The following ZNF883 variants were observed in gnomAD, a reference collection of about 807,000 sequenced individuals.
ZNF883 encodes the protein zinc finger protein 883.
intron 1 of ZNF883, among the ~76,000 whole-genome samples, chr9:112,989,411 T>C (rs1828281395): frequency 6.6e-6 from 1 of 152,176 alleles, no homozygotes; most frequent in Admixed American, 6.5e-5. Context: ...TTTTCAGGTT[T>C]GTTGAAGGTC....
chr9:112,997,243 A>G (rs1470194687), exon 1 of ZNF883: 1 of 1,614,104 alleles, frequency 6.2e-7, no homozygotes, highest in South Asian at 1.1e-5. Flanking sequence ...GTATTCGCTT[A>G]TGTTTAGTTA....
chr9:113,002,293 G>GAC (rs1293830610), upstream of ZNF883, among the ~76,000 whole-genome samples: 1 of 152,072 alleles, frequency 6.6e-6, no homozygotes, highest in Non-Finnish European at 1.5e-5. Context: ...TCCCTATAAA[G>GAC]ACACCTAAAA....
At chr9:113,005,391 T>G (rs892357453) in intron 2 of ZNF883, among the ~76,000 whole-genome samples, 1 of 151,902 alleles carries the variant, frequency 6.6e-6, no homozygotes, top group Non-Finnish European at 1.5e-5. Context: ...ACAAAAGAAA[T>G]ACAAACGATC....
At chr9:113,003,645 C>T (rs1439783815) in intron 2 of ZNF883, among the ~76,000 whole-genome samples, 1 of 151,234 alleles carries the variant, frequency 6.6e-6, no homozygotes, top group East Asian at 1.9e-4. Context: ...TTTTCCCAAC[C>T]AATGACTCAC....
At chr9:112,994,310 C>T (rs1024316191), downstream of ZNF883, among the ~76,000 whole-genome samples, 3 of 151,492 alleles carry the variant, frequency 2.0e-5, no homozygotes, top group Non-Finnish European at 4.4e-5. Flanking sequence ...ACTCTCCGTG[C>T]TTTTCCTCAC....
chr9:112,999,018 A>C (rs1271449992), upstream of ZNF883: 1 of 152,200 alleles, frequency 6.6e-6, no homozygotes, highest in Non-Finnish European at 1.5e-5. Flanking sequence ...ATCATTTGAA[A>C]AAAAATTCTA....
chr9:112,993,959 G>T (rs1411608), downstream of ZNF883, among the ~76,000 whole-genome samples: 1 of 152,052 alleles, frequency 6.6e-6, no homozygotes, highest in Non-Finnish European at 1.5e-5. Flanking sequence ...TCCTCCTACC[G>T]GGAACTCAAG....
chr9:112,998,122 A>G, exon 1 of ZNF883: 3 of 1,613,938 alleles, frequency 1.9e-6, no homozygotes, highest in Non-Finnish European at 2.5e-6. Flanking sequence ...AGGACTTACC[A>G]CATATTTTAC....
intron 2 of ZNF883, among the ~76,000 whole-genome samples, chr9:113,009,046 T>C (rs1305925786): frequency 1.3e-5 from 2 of 152,146 alleles, no homozygotes; most frequent in Admixed American, 6.5e-5. Flanking sequence ...ACCTGGATGA[T>C]TGCTTTAGCT....
chr9:113,007,844 AG>A, intron 2 of ZNF883, among the ~76,000 whole-genome samples: 1 of 152,362 alleles, frequency 6.6e-6, no homozygotes, highest in Admixed American at 6.5e-5. Flanking sequence ...TGGCAGAGCT[AG>A]GACTATAGCC....
intron 2 of ZNF883, among the ~76,000 whole-genome samples, chr9:113,006,493 G>A (rs556698630): frequency 2.6e-5 from 4 of 152,102 alleles, no homozygotes; most frequent in Admixed American, 6.5e-5. Flanking sequence ...TTACTCTGTC[G>A]GCTTGCTCTG....
intron 2 of ZNF883, among the ~76,000 whole-genome samples, chr9:113,008,491 C>T (rs1564335104): frequency 6.6e-6 from 1 of 152,144 alleles, no homozygotes; most frequent in African/African-American, 2.4e-5. Context: ...ACTCTTTTAA[C>T]AGAAGTTCCT....
intron 2 of ZNF883, among the ~76,000 whole-genome samples, chr9:113,010,811 C>T (rs1828527102): frequency 6.6e-6 from 1 of 151,888 alleles, no homozygotes; most frequent in African/African-American, 2.4e-5. Flanking sequence ...CATGGTGAAA[C>T]CCCATCTCTA....
upstream of ZNF883, chr9:112,998,312 G>A (rs1828386900): frequency 1.4e-6 from 2 of 1,379,382 alleles, no homozygotes; most frequent in Non-Finnish European, 1.9e-6. Context: ...TTGTCGGTAT[G>A]TAATAGGTGT....
At chr9:113,006,173 C>T (rs1170686932) in intron 2 of ZNF883, among the ~76,000 whole-genome samples, 1 of 151,258 alleles carries the variant, frequency 6.6e-6, no homozygotes, top group African/African-American at 2.4e-5. Flanking sequence ...GCTCATTATA[C>T]ACTAATTATA....
chr9:112,998,485 C>T (rs1828388862), upstream of ZNF883: 3 of 351,554 alleles, frequency 8.5e-6, no homozygotes, highest in Non-Finnish European at 5.0e-6. Context: ...TACAGTAGTC[C>T]TGCCTTATCC....
At chr9:113,001,133 A>T (rs1470922148), upstream of ZNF883, among the ~76,000 whole-genome samples, 1 of 152,132 alleles carries the variant, frequency 6.6e-6, no homozygotes, top group Non-Finnish European at 1.5e-5. Context: ...TAATTTTAGC[A>T]GAAGACAAGA....
chr9:113,005,926 A>G (rs1187326770), intron 2 of ZNF883, among the ~76,000 whole-genome samples: 1 of 152,122 alleles, frequency 6.6e-6, no homozygotes, highest in East Asian at 1.9e-4. Context: ...CCAATTCTGT[A>G]GTCTTTGTAT....
upstream of ZNF883, chr9:112,999,076 G>A (rs1013478107): frequency 3.3e-5 from 5 of 152,096 alleles, no homozygotes; most frequent in African/African-American, 7.2e-5. Context: ...CTCTGCTTTG[G>A]AGTGGATGCT....
Sources: gnomAD v4.1 joint callset for allele counts (sites outside exome capture counted in the v4.1 genomes callset) on GRCh38, gnomAD v4.1.1 for gene constraint, MANE v1.5 for transcripts, NCBI Gene and HGNC (gene_info 2026-07-23, HGNC 2026-07-21) for gene names.